Variants in BCAS3 observed in about 807,000 individuals in gnomAD.
The protein encoded by BCAS3 is BCAS4/BCAS3 fusion.
In BCAS3, 53 loss-of-function variants were observed where a neutral mutation model predicts 116.1. The ratio of observed to expected loss-of-function variants is 0.46; its 90% CI spans 0.37 to 0.57. BCAS3 has a LOEUF of 0.57. Among genes scored for constraint, BCAS3 ranks in the 20% least tolerant of loss-of-function variants. The pLI is 0.00. For synonymous variants in BCAS3, 391 were observed against 408.2 expected, an observed-to-expected ratio of 0.96 and a Z score of 0.51; for missense variants, 917 against 1,165.4, an observed-to-expected ratio of 0.79 and a Z score of 3.10.
chr17:60,840,816 CAATT>C (rs757245582), intron 7 of BCAS3, among the ~76,000 whole-genome samples: 1 of 152,010 alleles, frequency 6.6e-6, no homozygotes, highest in African/African-American at 2.4e-5. Flanking sequence ...AGGTTAACCT[CAATT>C]AATTAAGAAC....
At chr17:60,712,845 G>A (rs911909444) in intron 5 of BCAS3, among the ~76,000 whole-genome samples, 19 of 152,162 alleles carry the variant, frequency 1.2e-4, no homozygotes, top group Admixed American at 2.6e-4. Context: ...GAGGAATGTC[G>A]TCAGTTTTGA....
chr17:61,376,895 A>G lies in BCAS3; in HGVS notation c.2593+8401A>G, dbSNP rs1436918542. 2.0e-5 allele frequency among the ~76,000 whole-genome samples: 3 copies of G among 152,178 alleles called. No homozygotes were observed. The highest frequency in any genetic ancestry group is 2.0e-4 in the Admixed American group (3 of 15,282). ...CTCTTAATGACCTCATCAGTGGCCC[A>G]ACGTGTTCTTTCTGTGGTTGGGGCA... is the stretch of plus-strand genomic sequence containing the variant. On this transcript the variant is annotated intron_variant, in intron 23 of 23. Transcript: ENST00000407086. This position sits in a 1 kb window ranked among gnomAD's most constrained non-coding sequence, Gnocchi z 4.5.
rs1351434990 is a variant in BCAS3, at chr17:61,034,727, G to T, written c.1699G>T (p.Ala567Ser). The T allele has an allele frequency of 6.2e-7, 1 of 1,612,642 alleles. No homozygotes were observed. The change falls in exon 17 of 24, where the codon GCT becomes TCT. Residue 567 changes from alanine (A) to serine (S), a missense_variant. Ala to Ser is a moderately conservative substitution (Grantham distance 99). This residue lies in a region of BCAS3 where 807 missense variants were observed against 1,026.0 expected (regional missense o/e 0.79). Transcript: ENST00000407086. The surrounding 1 kb of genome is among the most constrained non-coding windows in gnomAD (Gnocchi z 5.0). ...SKSMGGEFCVAAIFGTSRSWF... is the reference protein window; with the variant it reads ...SKSMGGEFCVSAIFGTSRSWF... ...ATCGATGGGCGGAGAATTTTGTGTG[G>T]CTGCTATCTTCGGAACATCCAGGTC...
chr17:60,823,795 G>A (rs1156579079), intron 7 of BCAS3, among the ~76,000 whole-genome samples: 1 of 152,186 alleles, frequency 6.6e-6, no homozygotes, highest in Admixed American at 6.5e-5. Context: ...CAAACTGTGA[G>A]AGAAGGCAGT....
rs1221612627 is a variant in BCAS3 at position 61,134,380 on chromosome 17, G to T, written c.2425+49816G>T. ...AATTGAGGTCTTGTGAAAGTAACGT[G>T]CCTGGATTGACACAGTAAGCTGGTG... On this transcript the variant is annotated intron_variant, in intron 22 of 23. Coordinates refer to ENST00000407086, the MANE Select transcript of BCAS3 (RefSeq NM_017679.5). The surrounding 1 kb of genome is among the most constrained non-coding windows in gnomAD (Gnocchi z 4.6). Among the ~76,000 whole-genome samples the T allele has an allele frequency of 6.6e-6, 1 of 152,284 alleles. No individual in the cohort carries two copies. The highest frequency in any genetic ancestry group is 1.9e-4 in the East Asian group (1 of 5,186).
rs2076860677 is a variant in BCAS3, at chr17:61,140,483, A to ATT, written c.2425+55919_2425+55920insTT. On this transcript the variant is annotated intron_variant, in intron 22 of 23. Transcript: ENST00000407086. The surrounding 1 kb of genome is among the most constrained non-coding windows in gnomAD (Gnocchi z 4.2). ...GCAGCAGGATTGAAACATTAAAGAAAAGTAACCCTGTTAAGTGGTTATCAC... is the reference window on the plus strand; with the variant it reads ...GCAGCAGGATTGAAACATTAAAGAAATTAGTAACCCTGTTAAGTGGTTATCAC... Among the ~76,000 whole-genome samples the ATT allele has an allele frequency of 6.6e-6, 1 of 152,232 alleles. No homozygotes were observed. The highest frequency in any genetic ancestry group is 1.5e-5 in the Non-Finnish European group (1 of 68,028).
intron 6 of BCAS3, among the ~76,000 whole-genome samples, chr17:60,792,160 G>T (rs1464298916): frequency 6.6e-6 from 1 of 152,130 alleles, no homozygotes; most frequent in South Asian, 2.1e-4. Flanking sequence ...CCCCGTTGTG[G>T]CAATGTTGGA....
chr17:61,110,964 C>T (rs7214175), intron 22 of BCAS3, among the ~76,000 whole-genome samples: 31,781 of 151,916 alleles, frequency 0.21, 3,741 homozygotes, highest in African/African-American at 0.32. Flanking sequence ...AGGCACCCCC[C>T]AGCAGGGGCA....
intron 7 of BCAS3, among the ~76,000 whole-genome samples, chr17:60,822,158 A>G (rs1000014680): frequency 6.6e-6 from 1 of 152,150 alleles, no homozygotes; most frequent in Non-Finnish European, 1.5e-5. Flanking sequence ...CACATGTTAG[A>G]TGCATGCTTT....
At chr17:61,308,599 T>G (rs2144768548) in intron 22 of BCAS3, among the ~76,000 whole-genome samples, 1 of 151,726 alleles carries the variant, frequency 6.6e-6, no homozygotes, top group East Asian at 1.9e-4. Flanking sequence ...TAAAGTGCCT[T>G]GAAACGATGA....
rs1257858167 is a variant in BCAS3 at position 61,004,325 on chromosome 17, A to G, written c.1487-11426A>G. On this transcript the variant is annotated intron_variant, in intron 15 of 23. Coordinates refer to ENST00000407086, the MANE Select transcript of BCAS3 (RefSeq NM_017679.5). The surrounding 1 kb of genome is among the most constrained non-coding windows in gnomAD (Gnocchi z 4.8). ...CAACAAATTTTGGGAAAAGAAGTGA[A>G]TGTTCATTTCCTTATGTACTTATCA... Among the ~76,000 whole-genome samples the G allele has an allele frequency of 6.6e-6, 1 of 152,092 alleles. No individual in the cohort carries two copies. Among genetic ancestry groups the G allele is most frequent in the African/African-American group, 2.4e-5 (1 of 41,432 alleles).
Position 60,705,734 on chromosome 17 carries a change from G to A in BCAS3, c.215-3485G>A, listed in dbSNP as rs571423897. 5.9e-5 allele frequency among the ~76,000 whole-genome samples: 9 copies of A among 152,244 alleles called. No individual in the cohort carries two copies. The South Asian group carries it at 1.4e-3, about 25-fold the overall frequency. Reference sequence around the variant, plus strand: ...GTAGAGGAAACAGTGCCAGAAGACTGATGTTAGACAGTCTGCCAGAAAGCT... The same window carrying A: ...GTAGAGGAAACAGTGCCAGAAGACTAATGTTAGACAGTCTGCCAGAAAGCT... On this transcript the variant is annotated intron_variant, in intron 4 of 23. Transcript: ENST00000407086.
In BCAS3 at chr17:61,355,403, G is replaced by A. The variant is rs1420120833; in HGVS notation, c.2426-12924G>A. On this transcript the variant is annotated intron_variant, in intron 22 of 23. Coordinates refer to ENST00000407086, the MANE Select transcript of BCAS3 (RefSeq NM_017679.5). This position sits in a 1 kb window ranked among gnomAD's most constrained non-coding sequence, Gnocchi z 4.2. ...TCCCTCCACCCCCTACCACCCAACTGCAAGAACACTTAAAAATTCTGGAAT... is the reference window on the plus strand; with the variant it reads ...TCCCTCCACCCCCTACCACCCAACTACAAGAACACTTAAAAATTCTGGAAT... 1.3e-5 allele frequency among the ~76,000 whole-genome samples: 2 copies of A among 151,700 alleles called. No homozygotes were observed. The highest frequency in any genetic ancestry group is 2.9e-5 in the Non-Finnish European group (2 of 67,992).
At chr17:60,937,467 G>A (rs1286842487) in intron 13 of BCAS3, among the ~76,000 whole-genome samples, 1 of 151,872 alleles carries the variant, frequency 6.6e-6, no homozygotes, top group Non-Finnish European at 1.5e-5. Flanking sequence ...TGTAACTTAC[G>A]TAATATAAGT....
intron 22 of BCAS3, among the ~76,000 whole-genome samples, chr17:61,113,722 T>C (rs2075244495): frequency 5.3e-5 from 1 of 18,948 alleles, no homozygotes; most frequent in African/African-American, 8.9e-5. Flanking sequence ...GAGGGAATCC[T>C]CCCTAACTCA....
At chr17:61,127,017 A>C (rs2076079976) in intron 22 of BCAS3, among the ~76,000 whole-genome samples, 1 of 152,138 alleles carries the variant, frequency 6.6e-6, no homozygotes, top group Admixed American at 6.6e-5. Context: ...TTAAATTAGG[A>C]TACATCTCGA....
chr17:61,296,572 C>G (rs1262921222), intron 22 of BCAS3, among the ~76,000 whole-genome samples: 2 of 152,204 alleles, frequency 1.3e-5, no homozygotes, highest in Non-Finnish European at 2.9e-5. Context: ...TTTCCTGTCC[C>G]TCTTGCAGTT....
At chr17:60,957,337 C>G (rs1247893074) in intron 14 of BCAS3, among the ~76,000 whole-genome samples, 1 of 152,054 alleles carries the variant, frequency 6.6e-6, no homozygotes, top group Non-Finnish European at 1.5e-5. Context: ...ATTTGATGGT[C>G]ATTTTAGATA....
chr17:61,154,957 A>G (rs2077749890), intron 22 of BCAS3, among the ~76,000 whole-genome samples: 5 of 151,864 alleles, frequency 3.3e-5, no homozygotes, highest in Admixed American at 3.3e-4. Context: ...TGCAAAAGAT[A>G]AATCATTTCA....
Sources: gnomAD v4.1 joint callset for allele counts (sites outside exome capture counted in the v4.1 genomes callset) on GRCh38, gnomAD v4.1.1 for gene constraint, gnomAD v4.1.1 regional missense constraint, Gnocchi (gnomAD v3.1) non-coding constraint, MANE v1.5 for transcripts, NCBI Gene and HGNC (gene_info 2026-07-23, HGNC 2026-07-21) for gene names.